Variants in PLG observed in about 807,000 individuals in gnomAD.
PLG encodes the protein plasmin.
Under a neutral mutation model 104.4 loss-of-function variants are expected in PLG, and 41 were observed. The observed-to-expected ratio is 0.39, with a 90% CI of 0.31 to 0.51. PLG has a LOEUF of 0.51. PLG is among the 20% of genes least tolerant of loss of function. The pLI is 0.76. For synonymous variants in PLG, 337 were observed against 357.1 expected, an observed-to-expected ratio of 0.94 and a Z score of 0.63; for missense variants, 891 against 1,003.6, an observed-to-expected ratio of 0.89 and a Z score of 1.52.
chr6:160,721,074 A>G (rs1004323289), intron 9 of PLG, among the ~76,000 whole-genome samples: 2 of 152,020 alleles, frequency 1.3e-5, no homozygotes, highest in Non-Finnish European at 2.9e-5. Context: ...ACTCTTTTCT[A>G]TAGTTTCCAT....
At chr6:160,705,952 T>C (rs1777513027) in intron 1 of PLG, 1 of 197,550 alleles carries the variant, frequency 5.1e-6, no homozygotes, top group Non-Finnish European at 1.0e-5. Flanking sequence ...TCTAACCTGT[T>C]TGTCAATCCA....
chr6:160,730,708 C>A, intron 10 of PLG: 1 of 265,024 alleles, frequency 3.8e-6, no homozygotes, highest in South Asian at 4.6e-5. Context: ...ATAAAATATG[C>A]ACTTTAAAAT....
At chr6:160,748,164 G>A (rs1435215842) in intron 17 of PLG, among the ~76,000 whole-genome samples, 1 of 151,308 alleles carries the variant, frequency 6.6e-6, no homozygotes, top group Non-Finnish European at 1.5e-5. Context: ...AATTAGCCGG[G>A]TGTGGTAGCA....
At chr6:160,722,302 A>G (rs1777843083) in intron 9 of PLG, 106 bp from the exon 10 acceptor site, 1 of 748,936 alleles carries the variant, frequency 1.3e-6, no homozygotes, top group East Asian at 2.5e-5. Context: ...AGAAAAGAGA[A>G]CAGTCATAAT....
chr6:160,730,835 T>G, intron 10 of PLG: 1 of 508,926 alleles, frequency 2.0e-6, no homozygotes, highest in Non-Finnish European at 3.5e-6. Flanking sequence ...TATACTACTT[T>G]TGATTTTTTA....
chr6:160,722,594 G>C (rs776088327), intron 10 of PLG, 27 bp downstream of exon 10: 1 of 1,605,504 alleles, frequency 6.2e-7, no homozygotes, highest in Non-Finnish European at 8.5e-7. Flanking sequence ...TACTGTAAGA[G>C]GGGCATCAGC....
chr6:160,741,482 A>G lies in PLG; in HGVS notation c.2125+65A>G, dbSNP rs956257921. 1 of 976,900 alleles carries G rather than the reference A, an allele frequency of 1.0e-6. No individual in the cohort carries two copies. The highest frequency in any genetic ancestry group is 1.7e-6 in the Non-Finnish European group (1 of 604,694). The allele number at this position is 976,900 out of a possible 1,614,324, so 60.5% of individuals were successfully genotyped here. A position where few individuals can be genotyped will look rare whatever the true frequency, so the allele number is the denominator to read the frequency against. On this transcript the variant is annotated intron_variant, in intron 17 of 18. Coordinates refer to ENST00000308192, the MANE Select transcript of PLG (RefSeq NM_000301.5). The surrounding 1 kb of genome is among the most constrained non-coding windows in gnomAD (Gnocchi z 4.7). ...GACCTACAGTCCATGTGACAAAATG[A>G]TCATTTTGGAGAAAGCTGTGCAAAT...
At chr6:160,749,794 C>T (rs1778369655) in intron 17 of PLG, among the ~76,000 whole-genome samples, 1 of 150,824 alleles carries the variant, frequency 6.6e-6, no homozygotes, top group South Asian at 2.1e-4. Context: ...ATCATTACTA[C>T]CCACCACCAT....
rs1273418474 is a variant in PLG at position 160,725,536 on chromosome 6, G to A, written c.1256+2969G>A. Among the ~76,000 whole-genome samples, 2 of 151,936 alleles carry A rather than the reference G, an allele frequency of 1.3e-5. No individual in the cohort carries two copies. Among genetic ancestry groups the A allele is most frequent in the Non-Finnish European group, 2.9e-5 (2 of 67,966 alleles). ...AAGAAGGAAAGAAAGGAAGAAAAAA[G>A]AATGAAGAAGATATGGCAAAGAGAG... On this transcript the variant is annotated intron_variant, in intron 10 of 18. Transcript: ENST00000308192. The surrounding 1 kb of genome is among the most constrained non-coding windows in gnomAD (Gnocchi z 6.3).
chr6:160,721,746 T>C (rs1777832980), intron 9 of PLG, among the ~76,000 whole-genome samples: 1 of 152,200 alleles, frequency 6.6e-6, no homozygotes, highest in African/African-American at 2.4e-5. Flanking sequence ...GCTTTGAAAG[T>C]AGTGATTTTT....
Position 160,736,749 on chromosome 6 carries a change from G to C in PLG, c.1682-138G>C. 1 of 1,110,190 alleles carries C rather than the reference G, an allele frequency of 9.0e-7. No homozygotes were observed. Among genetic ancestry groups the C allele is most frequent in the Non-Finnish European group, 1.3e-6 (1 of 752,220 alleles). 68.8% of individuals were successfully genotyped at this position (1,110,190 alleles called of 1,614,324 possible). On this transcript the variant is annotated intron_variant, in intron 13 of 18. Transcript: ENST00000308192. This position sits in a 1 kb window ranked among gnomAD's most constrained non-coding sequence, Gnocchi z 5.2. The stretch of plus-strand genomic sequence containing the variant: ...ACCACTTTTGAAACTTAGAGAAAAT[G>C]TTCCAAAAGATGATGATTTTACTAT...
rs576514455 is a variant in PLG, at chr6:160,744,318, T to C, written c.2125+2901T>C. ...CTTTTGTTGGTTAGTAGGCTATTTA[T>C]TACTGATTCAATTTTGGAGCTCATT... On this transcript the variant is annotated intron_variant, in intron 17 of 18. Transcript: ENST00000308192. The surrounding 1 kb of genome is among the most constrained non-coding windows in gnomAD (Gnocchi z 4.5). Among the ~76,000 whole-genome samples, 2 of 152,308 alleles carry C rather than the reference T, an allele frequency of 1.3e-5. No individual in the cohort carries two copies. Among genetic ancestry groups the C allele is most frequent in the East Asian group, 3.9e-4 (2 of 5,184 alleles).
rs1017080704 is a variant in PLG, at chr6:160,740,306, C to A, written c.2019-1005C>A. On this transcript the variant is annotated intron_variant, in intron 16 of 18. Transcript: ENST00000308192. The surrounding 1 kb of genome is among the most constrained non-coding windows in gnomAD (Gnocchi z 5.2). ...CTCCCTCCTGCTCCCCAGTGTCCTC[C>A]CCGCCATCCCAGCAAATGTGCAAAT... Among the ~76,000 whole-genome samples the A allele has an allele frequency of 8.5e-5, 13 of 152,206 alleles. No individual in the cohort carries two copies. Among genetic ancestry groups the A allele is most frequent in the African/African-American group, 3.1e-4 (13 of 41,446 alleles).
intron 9 of PLG, among the ~76,000 whole-genome samples, chr6:160,720,405 C>CT (rs1190930860): frequency 2.9e-4 from 18 of 61,820 alleles, no homozygotes; most frequent in Admixed American, 8.4e-4. Context: ...TTTTTCTTTT[C>CT]TTTTCTTTTT....
In PLG at chr6:160,731,653, T is replaced by C. The variant is rs1778001198; in HGVS notation, c.1439-92T>C. 3.9e-6 allele frequency: 5 copies of C among 1,269,288 alleles called. No individual in the cohort carries two copies. The highest frequency in any genetic ancestry group is 2.9e-5 in the African/African-American group (2 of 68,410). The allele number at this position is 1,269,288 out of a possible 1,614,324, so 78.6% of individuals were successfully genotyped here. ...CTGAGGAATGTGGCCCCTGATTCTG[T>C]CATCCTAGAGAAACCTGACATGACT... On this transcript the variant is annotated intron_variant, in intron 11 of 18. Coordinates refer to ENST00000308192, the MANE Select transcript of PLG (RefSeq NM_000301.5). The surrounding 1 kb of genome is among the most constrained non-coding windows in gnomAD (Gnocchi z 5.1).
chr6:160,737,988 C>G lies in PLG; in HGVS notation c.1803-550C>G, dbSNP rs1326470885. Among the ~76,000 whole-genome samples, 2 of 152,000 alleles carry G rather than the reference C, an allele frequency of 1.3e-5. No individual in the cohort carries two copies. On this transcript the variant is annotated intron_variant, in intron 14 of 18. Transcript: ENST00000308192. The surrounding 1 kb of genome is among the most constrained non-coding windows in gnomAD (Gnocchi z 4.7). ...CTTCTTTAAATTTGGTTCCAAATGGCTCACACCATTATTCTGAGCTATTAC... is the reference window on the plus strand; with the variant it reads ...CTTCTTTAAATTTGGTTCCAAATGGGTCACACCATTATTCTGAGCTATTAC...
At position 160,732,567 on chromosome 6, in the gene PLG, C is replaced by T. The variant is rs1226025624; in HGVS notation, c.1587+674C>T. Reference sequence around the variant, plus strand: ...AAGTTAAGGCTCAGTCCCACAAGACCGCCCCACTGCAGATGCCAATCCCAA... The same window carrying T: ...AAGTTAAGGCTCAGTCCCACAAGACTGCCCCACTGCAGATGCCAATCCCAA... On this transcript the variant is annotated intron_variant, in intron 12 of 18. Transcript: ENST00000308192. This position sits in a 1 kb window ranked among gnomAD's most constrained non-coding sequence, Gnocchi z 4.5. 1.3e-5 allele frequency among the ~76,000 whole-genome samples: 2 copies of T among 152,132 alleles called. No individual in the cohort carries two copies. The highest frequency in any genetic ancestry group is 1.5e-5 in the Non-Finnish European group (1 of 68,026).
At position 160,718,285 on chromosome 6, in the gene PLG, C is replaced by G. The variant is rs1365197240; in HGVS notation, c.788-9C>G. On this transcript the variant is annotated splice_polypyrimidine_tract_variant and intron_variant, in intron 7 of 18. Coordinates refer to ENST00000308192, the MANE Select transcript of PLG (RefSeq NM_000301.5). The stretch of plus-strand genomic sequence containing the variant: ...ATATATTCATTGTAACTTATTTTGC[C>G]CATTCAAGCAACACCTCCACCATCT... 1.2e-6 allele frequency: 2 copies of G among 1,610,404 alleles called. No individual in the cohort carries two copies. Among genetic ancestry groups the G allele is most frequent in the Non-Finnish European group, 1.7e-6 (2 of 1,176,598 alleles).
At chr6:160,707,904 A>G (rs1777561543) in intron 3 of PLG, 98 bp downstream of exon 3, 2 of 1,041,248 alleles carry the variant, frequency 1.9e-6, no homozygotes, top group East Asian at 4.7e-5. Flanking sequence ...CCAGAGGAGG[A>G]AGGCACTATC....
Sources: allele counts gnomAD v4.1 joint callset (sites outside exome capture counted in the v4.1 genomes callset), GRCh38; gene constraint gnomAD v4.1.1; non-coding constraint Gnocchi (gnomAD v3.1); transcripts MANE v1.5; gene names NCBI Gene and HGNC (gene_info 2026-07-23, HGNC 2026-07-21).